The following KYNU variants were observed in gnomAD, a reference collection of about 807,000 sequenced individuals.
KYNU encodes L-kynurenine hydrolase.
In KYNU, 54 loss-of-function variants were observed where a neutral mutation model predicts 59.2. The ratio of observed to expected loss-of-function variants is 0.91; its 90% CI spans 0.73 to 1.14. The LOEUF (loss-of-function observed/expected upper bound fraction) is 1.14, where lower values mean the gene tolerates loss of function less well. Among genes scored for constraint, KYNU ranks in the 50% most tolerant of loss-of-function variants. The probability of loss-of-function intolerance (pLI) is 0.00; values close to 1 mark genes in which losing one functional copy is unlikely to be tolerated. For synonymous variants in KYNU, 177 were observed against 192.0 expected, an observed-to-expected ratio of 0.92 and a Z score of 0.65; for missense variants, 567 against 554.4, an observed-to-expected ratio of 1.02 and a Z score of -0.23.
Position 143,046,570 on chromosome 2 carries a change from A to ATATATCTATATATC in KYNU, c.*4401_*4402insATCTATATATCTAT, listed in dbSNP as rs201403940. On this transcript the variant is annotated 3_prime_UTR_variant, in exon 14 of 14. Transcript: ENST00000264170. The stretch of plus-strand genomic sequence containing the variant: ...TTTCTATATATCTATATAAATATAG[A>ATATATCTATATATC]TATGTAGATATATGAAAGCAATATA... The ATATATCTATATATC allele has an allele frequency of 9.1e-4, 129 of 141,502 alleles. 2 individuals carry two copies. Among genetic ancestry groups the ATATATCTATATATC allele is most frequent in the African/African-American group, 1.5e-3 (60 of 40,098 alleles). The allele number at this position is 141,502 out of a possible 1,614,324, so 8.8% of individuals were successfully genotyped here. A position where few individuals can be genotyped will look rare whatever the true frequency, so the allele number is the denominator to read the frequency against.
intron 10 of KYNU, among the ~76,000 whole-genome samples, chr2:142,988,552 GTTTAT>G (rs996235332): frequency 6.6e-6 from 1 of 151,844 alleles, no homozygotes; most frequent in African/African-American, 2.4e-5. Flanking sequence ...TTTCATGGCT[GTTTAT>G]TTTGTGTGTG....
intron 12 of KYNU, among the ~76,000 whole-genome samples, chr2:143,038,195 G>A (rs1486207463): frequency 6.6e-6 from 1 of 151,774 alleles, no homozygotes; most frequent in East Asian, 1.9e-4. Flanking sequence ...TACATATTAG[G>A]GCACCCATAG....
Position 143,042,583 on chromosome 2 carries a change from GATATATATAT to G in KYNU, c.*450_*459del, listed in dbSNP as rs10528472. The G allele has an allele frequency of 0.01, 1,421 of 136,066 alleles. 24 individuals carry two copies. The highest frequency in any genetic ancestry group is 0.053 in the East Asian group (230 of 4,306). 8.4% of individuals were successfully genotyped at this position (136,066 alleles called of 1,614,324 possible). On this transcript the variant is annotated 3_prime_UTR_variant, in exon 14 of 14. Coordinates refer to ENST00000264170, the MANE Select transcript of KYNU (RefSeq NM_003937.3). ...GAGTTTCTTTGAAGCATTGTAGTCTGATATATATATATATATATATATATATATATATATA... is the reference window on the plus strand; with the variant it reads ...GAGTTTCTTTGAAGCATTGTAGTCTGATATATATATATATATATATATATA...
chr2:142,961,243 C>A, intron 8 of KYNU, among the ~76,000 whole-genome samples: 2 of 122,132 alleles, frequency 1.6e-5, no homozygotes, highest in South Asian at 2.8e-4. Context: ...AATCTGTAAT[C>A]TTTTTTGCTT....
chr2:142,932,989 G>T (rs1214292099), intron 4 of KYNU, among the ~76,000 whole-genome samples: 1 of 152,110 alleles, frequency 6.6e-6, no homozygotes, highest in Non-Finnish European at 1.5e-5. Flanking sequence ...ATAGTGATTT[G>T]GGGGGTTTCT....
chr2:143,025,743 G>A (rs1412560444), intron 10 of KYNU, among the ~76,000 whole-genome samples: 1 of 151,850 alleles, frequency 6.6e-6, no homozygotes, highest in African/African-American at 2.4e-5. Context: ...CATCAATATA[G>A]GCAGAAGAAC....
intron 2 of KYNU, among the ~76,000 whole-genome samples, chr2:142,901,996 T>C (rs1428718215): frequency 1.3e-5 from 2 of 152,218 alleles, no homozygotes; most frequent in Admixed American, 6.5e-5. Context: ...GTTGCGCAAG[T>C]ATGCAGTTGC....
chr2:142,949,973 T>C (rs1416131301), intron 4 of KYNU, among the ~76,000 whole-genome samples: 1 of 152,210 alleles, frequency 6.6e-6, no homozygotes, highest in Admixed American at 6.5e-5. Flanking sequence ...TTCTGCCAGA[T>C]ACCCTAAATA....
intron 7 of KYNU, among the ~76,000 whole-genome samples, chr2:142,958,357 T>C (rs1448216126): frequency 6.6e-6 from 1 of 152,184 alleles, no homozygotes; most frequent in African/African-American, 2.4e-5. Context: ...GATCTAAATG[T>C]GTACTTTACA....
chr2:142,906,209 G>A (rs183121124), intron 2 of KYNU, among the ~76,000 whole-genome samples: 2 of 152,260 alleles, frequency 1.3e-5, no homozygotes, highest in Admixed American at 6.5e-5. Flanking sequence ...CCTCCCTTTA[G>A]TTTACTCAAT....
chr2:142,985,658 A>C (rs1261639392), intron 9 of KYNU, among the ~76,000 whole-genome samples: 1 of 151,896 alleles, frequency 6.6e-6, no homozygotes, highest in Non-Finnish European at 1.5e-5. Context: ...AATAATTTAA[A>C]TGTATGAATT....
chr2:142,888,102 A>G (rs951600872), intron 2 of KYNU, among the ~76,000 whole-genome samples: 3 of 152,212 alleles, frequency 2.0e-5, no homozygotes, highest in African/African-American at 7.2e-5. Flanking sequence ...GTCATTGCTG[A>G]TTCTTAAAGA....
At chr2:143,032,583 A>G in intron 11 of KYNU, among the ~76,000 whole-genome samples, 1 of 152,248 alleles carries the variant, frequency 6.6e-6, no homozygotes, top group East Asian at 1.9e-4. Context: ...ATCTCTGACT[A>G]GCTATCTTAA....
chr2:142,881,239 T>C (rs1681286483), intron 1 of KYNU: 1 of 152,216 alleles, frequency 6.6e-6, no homozygotes, highest in Non-Finnish European at 1.5e-5. Context: ...CCATCAATGT[T>C]GAAATCCTAC....
At chr2:142,979,926 A>G (rs1685002902) in intron 8 of KYNU, among the ~76,000 whole-genome samples, 1 of 152,180 alleles carries the variant, frequency 6.6e-6, no homozygotes, top group South Asian at 2.1e-4. Context: ...AAGTTTATTA[A>G]GAAAGTAAAA....
At chr2:142,939,418 A>G (rs909531439) in intron 4 of KYNU, among the ~76,000 whole-genome samples, 9 of 151,998 alleles carry the variant, frequency 5.9e-5, no homozygotes, top group African/African-American at 2.2e-4. Context: ...CCTTACCAAC[A>G]TGGTGAAACG....
intron 8 of KYNU, among the ~76,000 whole-genome samples, chr2:142,984,068 G>C (rs1685127679): frequency 6.6e-6 from 1 of 151,924 alleles, no homozygotes; most frequent in South Asian, 2.1e-4. Context: ...AGGAGTTCTG[G>C]TATGGAATTT....
intron 3 of KYNU, among the ~76,000 whole-genome samples, chr2:142,924,761 T>A (rs981888397): frequency 6.6e-6 from 1 of 152,256 alleles, no homozygotes; most frequent in Admixed American, 6.5e-5. Context: ...ACATCTATGC[T>A]GCGACTATTT....
intron 13 of KYNU, 42 bp downstream of exon 13, chr2:143,040,700 C>A: frequency 7.8e-7 from 1 of 1,288,122 alleles, no homozygotes; most frequent in Non-Finnish European, 1.1e-6. Flanking sequence ...GTCTATGGGC[C>A]GCATGTTAGG....
Sources: allele counts gnomAD v4.1 joint callset (sites outside exome capture counted in the v4.1 genomes callset), GRCh38; gene constraint gnomAD v4.1.1; transcripts MANE v1.5; gene names NCBI Gene and HGNC (gene_info 2026-07-23, HGNC 2026-07-21).